PDE1A: variants seen among roughly 807,000 people sequenced by gnomAD.
PDE1A encodes the protein dual specificity calcium/calmodulin-dependent 3',5'-cyclic nucleotide phosphodiesterase 1A.
Under a neutral mutation model 61.7 loss-of-function variants are expected in PDE1A, and 35 were observed. The observed-to-expected ratio is 0.57, with a 90% CI of 0.43 to 0.75. The LOEUF (loss-of-function observed/expected upper bound fraction) is 0.75. PDE1A is among the 30% of genes least tolerant of loss of function. The pLI is 0.00. For synonymous variants in PDE1A, 232 were observed against 213.2 expected (o/e 1.09, Z -0.77); for missense variants, 597 against 630.6 (o/e 0.95, Z 0.57).
At chr2:182,603,473 G>A in the PDE1A span, among the ~76,000 whole-genome samples, 195 of 152,274 alleles carry the variant, frequency 1.3e-3, 1 homozygote, top group South Asian at 2.7e-3. Context: ...TCAGCCTCTT[G>A]AGTAGCTTGG....
At chr2:182,228,416 C>A (rs968764484) in intron 6 of PDE1A, among the ~76,000 whole-genome samples, 5 of 152,080 alleles carry the variant, frequency 3.3e-5, no homozygotes, top group Non-Finnish European at 7.4e-5. Flanking sequence ...ATAGGGCCAC[C>A]CTGAAATAGC....
the PDE1A span, among the ~76,000 whole-genome samples, chr2:182,546,058 G>A: frequency 6.6e-6 from 1 of 152,200 alleles, no homozygotes; most frequent in Admixed American, 6.5e-5. Flanking sequence ...GCTGAGGAAA[G>A]TTATTTGAAT....
At chr2:182,654,270 G>A in the PDE1A span, among the ~76,000 whole-genome samples, 9 of 152,270 alleles carry the variant, frequency 5.9e-5, no homozygotes, top group East Asian at 3.9e-4. Flanking sequence ...GTCCACCACC[G>A]TCTACCAAAA....
chr2:182,206,152 T>C, intron 7 of PDE1A, 87 bp from the exon 8 acceptor site: 2 of 1,041,818 alleles, frequency 1.9e-6, no homozygotes, highest in Non-Finnish European at 2.7e-6. Context: ...TCAAGTCATG[T>C]GACCAGAAAA....
At chr2:182,342,521 A>C (rs1347514800) in intron 1 of PDE1A, among the ~76,000 whole-genome samples, 1 of 152,160 alleles carries the variant, frequency 6.6e-6, no homozygotes, top group African/African-American at 2.4e-5. Flanking sequence ...ATCTCTACTA[A>C]AAATACAAAA....
chr2:182,245,048 A>C (rs1690848032), intron 2 of PDE1A, among the ~76,000 whole-genome samples: 1 of 152,170 alleles, frequency 6.6e-6, no homozygotes, highest in South Asian at 2.1e-4. Flanking sequence ...GAAGCCTCCA[A>C]AGCCAGCCAA....
At chr2:182,440,358 A>G (rs1367983646) in intron 2 of PDE1A, among the ~76,000 whole-genome samples, 1 of 152,068 alleles carries the variant, frequency 6.6e-6, no homozygotes, top group Non-Finnish European at 1.5e-5. Flanking sequence ...AATTCCTCTT[A>G]TTACATTCTG....
At chr2:182,244,371 A>ATTTTT (rs755813407) in intron 2 of PDE1A, among the ~76,000 whole-genome samples, 2 of 150,266 alleles carry the variant, frequency 1.3e-5, no homozygotes, top group South Asian at 2.1e-4. Flanking sequence ...TTTTTTTAAA[A>ATTTTT]AAACTTTAAA....
At chr2:182,426,169 G>A (rs1175758368) in intron 1 of PDE1A, among the ~76,000 whole-genome samples, 1 of 152,086 alleles carries the variant, frequency 6.6e-6, no homozygotes, top group Non-Finnish European at 1.5e-5. Context: ...TTTATCTCCC[G>A]ACACTTCACT....
At chr2:182,599,188 C>G in the PDE1A span, among the ~76,000 whole-genome samples, 1 of 152,248 alleles carries the variant, frequency 6.6e-6, no homozygotes, top group Non-Finnish European at 1.5e-5. Flanking sequence ...AGTGACTGCT[C>G]CCACTGCCTG....
At chr2:182,238,534 C>G (rs557453846) in intron 3 of PDE1A, among the ~76,000 whole-genome samples, 1 of 152,106 alleles carries the variant, frequency 6.6e-6, no homozygotes, top group East Asian at 1.9e-4. Context: ...TGGGAGGAAG[C>G]GTTTAAAGGA....
At chr2:182,526,565 T>C (rs1690777196), upstream of PDE1A, among the ~76,000 whole-genome samples, 2 of 152,182 alleles carry the variant, frequency 1.3e-5, no homozygotes, top group African/African-American at 4.8e-5. Flanking sequence ...GCTTAGTCTC[T>C]AGGAGAGGAA....
rs199731099 is a variant in PDE1A, at chr2:182,516,702, GAGGAAGGAAGGAAGGA to G, written c.101+5558_101+5573del. On this transcript the variant is annotated intron_variant, in intron 2 of 14. Coordinates refer to the PDE1A transcript ENST00000410103. ...GAGGGAAGGAGGGAAGGGAGGAAGG[GAGGAAGGAAGGAAGGA>G]AGGAAGGAAGGAAGGAAGGAAGGAA... 5.8e-3 allele frequency among the ~76,000 whole-genome samples: 674 copies of G among 116,836 alleles called. 3 individuals are homozygous for G. The highest frequency in any genetic ancestry group is 0.013 in the Middle Eastern group (3 of 228). 76.6% of individuals were successfully genotyped at this position (116,836 alleles called of 152,430 possible). A position where few individuals can be genotyped will look rare whatever the true frequency, so the allele number is the denominator to read the frequency against.
At position 182,402,970 on chromosome 2, in the gene PDE1A, G is replaced by A. The variant is rs559359792; in HGVS notation, c.53+23608C>T. On this transcript the variant is annotated intron_variant, in intron 1 of 13. Coordinates refer to ENST00000351439, the Ensembl canonical transcript of PDE1A. ...GAGAAATGCAAATCAAAGCCACAAT[G>A]AGATACCATCTCACGCCAGTTAGAA... 4.6e-5 allele frequency among the ~76,000 whole-genome samples: 7 copies of A among 152,312 alleles called. No individual in the cohort carries two copies. The South Asian group carries it at 1.2e-3, about 27-fold the overall frequency.
intron 1 of PDE1A, among the ~76,000 whole-genome samples, chr2:182,385,352 C>A (rs1203314653): frequency 1.3e-5 from 2 of 151,756 alleles, no homozygotes; most frequent in African/African-American, 4.8e-5. Context: ...ATAATAGCAA[C>A]AGTAATTTGT....
intron 2 of PDE1A, among the ~76,000 whole-genome samples, chr2:182,256,038 CTTTTTTT>C (rs755211798): frequency 1.6e-4 from 15 of 92,336 alleles, no homozygotes; most frequent in African/African-American, 6.2e-4. Context: ...AGGATGACTT[CTTTTTTT>C]TTTTTTTTTT....
At chr2:182,264,356 T>C in exon 2 of PDE1A, 2 of 1,613,748 alleles carry the variant, frequency 1.2e-6, no homozygotes, top group Admixed American at 1.7e-5. Flanking sequence ...TCAATATTCT[T>C]CTTTAAGTCG....
At chr2:182,176,145 T>C (rs1692754749) in intron 13 of PDE1A, among the ~76,000 whole-genome samples, 1 of 148,876 alleles carries the variant, frequency 6.7e-6, no homozygotes, top group Non-Finnish European at 1.5e-5. Flanking sequence ...TTCTTTTGGC[T>C]TAGGATTGAC....
chr2:182,519,205 C>G (rs1690403302), intron 2 of PDE1A, among the ~76,000 whole-genome samples: 1 of 152,048 alleles, frequency 6.6e-6, no homozygotes, highest in Admixed American at 6.6e-5. Flanking sequence ...TCAGAAATTT[C>G]ATTTGGTGTT....
Sources: gnomAD v4.1 joint callset for allele counts (sites outside exome capture counted in the v4.1 genomes callset) on GRCh38, gnomAD v4.1.1 for gene constraint, MANE v1.5 for transcripts, NCBI Gene and HGNC (gene_info 2026-07-23, HGNC 2026-07-21) for gene names.